Variants in PCLO observed in about 807,000 individuals in gnomAD.
PCLO encodes piccolo presynaptic cytomatrix protein, also known as protein piccolo.
Under a neutral mutation model 427.5 loss-of-function variants are expected in PCLO, and 82 were observed. That is an observed-to-expected ratio of 0.19 (90% CI 0.16 to 0.23). PCLO has a LOEUF of 0.23. PCLO is among the 10% of genes least tolerant of loss of function. PCLO has a pLI of 1.00. For missense variants in PCLO, 6,239 were observed against 6,115.9 expected (o/e 1.02, Z -0.67); for synonymous variants, 2,357 against 2,155.4 (o/e 1.09, Z -2.59).
At chr7:83,112,083 G>A (rs931145280) in intron 3 of PCLO, among the ~76,000 whole-genome samples, 16 of 152,094 alleles carry the variant, frequency 1.1e-4, no homozygotes, top group African/African-American at 3.6e-4. Context: ...TTGAGACAGA[G>A]TCTCGCTCTT....
intron 9 of PCLO, among the ~76,000 whole-genome samples, chr7:82,898,473 T>C (rs567844645): frequency 1.3e-5 from 2 of 151,616 alleles, no homozygotes; most frequent in Admixed American, 1.3e-4. Flanking sequence ...TTTTATAAAC[T>C]ATTTATAAAG....
At chr7:82,923,054 A>G (rs1261034495) in intron 6 of PCLO, among the ~76,000 whole-genome samples, 1 of 152,038 alleles carries the variant, frequency 6.6e-6, no homozygotes, top group Non-Finnish European at 1.5e-5. Flanking sequence ...TCTGTAAACA[A>G]GATATTTTGA....
At chr7:83,077,524 G>T (rs780130365) in intron 3 of PCLO, among the ~76,000 whole-genome samples, 11 of 152,136 alleles carry the variant, frequency 7.2e-5, no homozygotes, top group Non-Finnish European at 1.2e-4. Context: ...ACCAGCTTCT[G>T]CCAGACTTCA....
rs1375986691 is a variant in PCLO at position 82,889,509 on chromosome 7, AC to A, written c.13529-10048del. 2.6e-5 allele frequency among the ~76,000 whole-genome samples: 4 copies of A among 152,308 alleles called. No homozygotes were observed. The East Asian group carries it at 5.8e-4, about 22-fold the overall frequency. On this transcript the variant is annotated intron_variant, in intron 9 of 24. Coordinates refer to ENST00000333891, the MANE Select transcript of PCLO (RefSeq NM_033026.6). ...TTCCATAGTGAAAAATGAATGAAAA[AC>A]AATTTCTTAGTTTGGGAGTGCAAAG...
chr7:83,067,993 T>C (rs1583980144), intron 3 of PCLO, among the ~76,000 whole-genome samples: 1 of 152,230 alleles, frequency 6.6e-6, no homozygotes, highest in Non-Finnish European at 1.5e-5. Context: ...AAGCGGGTAA[T>C]ATAATAAGAA....
chr7:83,113,266 T>C (rs978082212), intron 3 of PCLO, among the ~76,000 whole-genome samples: 1 of 152,232 alleles, frequency 6.6e-6, no homozygotes, highest in Non-Finnish European at 1.5e-5. Context: ...TTTGAAGCCC[T>C]AATGATCTGG....
chr7:82,822,339 A>G, intron 20 of PCLO, 156 bp downstream of exon 20: 1 of 1,474,006 alleles, frequency 6.8e-7, no homozygotes, highest in South Asian at 1.4e-5. Context: ...AGAGCATATT[A>G]ATGTATTTAT....
At chr7:82,906,604 T>C (rs898166388) in intron 8 of PCLO, among the ~76,000 whole-genome samples, 5 of 152,038 alleles carry the variant, frequency 3.3e-5, no homozygotes, top group Non-Finnish European at 5.9e-5. Context: ...AAAAACAAAT[T>C]ATTGTCACAA....
chr7:83,100,857 A>G (rs1183539754), intron 3 of PCLO, among the ~76,000 whole-genome samples: 1 of 152,152 alleles, frequency 6.6e-6, no homozygotes, highest in Non-Finnish European at 1.5e-5. Flanking sequence ...TATATTCTGG[A>G]TATTGGAATT....
chr7:82,755,049 A>C lies in PCLO; in HGVS notation c.*3526T>G, dbSNP rs1583937524. ...TCAAATAATTTCTAATAAATTGGGC[A>C]CAATATAATATATACTTTTATTTTA... On this transcript the variant is annotated 3_prime_UTR_variant, in exon 25 of 25. Coordinates refer to ENST00000333891, the MANE Select transcript of PCLO (RefSeq NM_033026.6). The C allele has an allele frequency of 6.6e-6, 1 of 152,232 alleles. No individual in the cohort carries two copies. Among genetic ancestry groups the C allele is most frequent in the South Asian group, 2.1e-4 (1 of 4,832 alleles). 9.4% of individuals were successfully genotyped at this position (152,232 alleles called of 1,614,324 possible).
rs1181365183 is a variant in PCLO at position 83,154,919 on chromosome 7, T to C, written c.1722A>G (p.Pro574=). The C allele has an allele frequency of 4.3e-6, 7 of 1,613,988 alleles. No individual in the cohort carries two copies. Among genetic ancestry groups the C allele is most frequent in the Non-Finnish European group, 5.1e-6 (6 of 1,179,876 alleles). Residue 574 remains proline (P), a synonymous_variant, in exon 2 of 25, where the codon CCA becomes CCG. Coordinates refer to ENST00000333891, the MANE Select transcript of PCLO (RefSeq NM_033026.6). ...GKPLQPPTVS[P]SAKQPPSQGL... is the part of the protein sequence containing the mutation. ...CTTGTGAAGGAGGCTGTTTTGCAGA[T>C]GGAGACACTGTTGGTGGCTGCAGAG...
At position 82,953,783 on chromosome 7, in the gene PCLO, A is replaced by C. The variant is rs115594192; in HGVS notation, c.7170T>G (p.Pro2390=). 1 of 1,586,304 alleles carries C rather than the reference A, an allele frequency of 6.3e-7. No individual in the cohort carries two copies. The highest frequency in any genetic ancestry group is 1.3e-5 in the African/African-American group (1 of 74,142). ...AAGAAGAACTTCTAAAGAATGGGCG[A>C]GGTTTAGCTGGAAGAGAGGAAACAG... ...SPSVSSLPAK[P]RPFFRSSSLD... Residue 2390 remains proline, a synonymous_variant, in exon 5 of 25, where the codon CCT becomes CCG. Transcript: ENST00000333891.
chr7:82,831,575 G>A (rs992283885), intron 16 of PCLO, among the ~76,000 whole-genome samples: 2 of 152,046 alleles, frequency 1.3e-5, no homozygotes, highest in Admixed American at 6.6e-5. Context: ...GAACAATTAC[G>A]CCTACTTATT....
At chr7:82,936,565 T>C (rs1166304647) in intron 6 of PCLO, among the ~76,000 whole-genome samples, 4 of 151,584 alleles carry the variant, frequency 2.6e-5, no homozygotes, top group Admixed American at 2.0e-4. Flanking sequence ...CCCTTATACA[T>C]TGCTGGTGGG....
At chr7:82,792,873 A>G (rs571220042) in intron 22 of PCLO, among the ~76,000 whole-genome samples, 31 of 152,174 alleles carry the variant, frequency 2.0e-4, no homozygotes, top group African/African-American at 7.5e-4. Flanking sequence ...TCCTTGTCAT[A>G]TATTACGATC....
intron 3 of PCLO, among the ~76,000 whole-genome samples, chr7:83,081,636 T>C (rs1166640598): frequency 6.6e-6 from 1 of 151,864 alleles, no homozygotes; most frequent in Non-Finnish European, 1.5e-5. Flanking sequence ...TAGATTGCTA[T>C]TTTTCCTATG....
intron 11 of PCLO, 85 bp from the exon 12 acceptor site, chr7:82,846,719 T>TC: frequency 1.2e-6 from 1 of 805,590 alleles, no homozygotes. Context: ...TTAATTTTTT[T>TC]CATAGGTAAA....
At chr7:82,820,611 T>A in intron 20 of PCLO, 1 of 1,229,830 alleles carries the variant, frequency 8.1e-7, no homozygotes, top group Non-Finnish European at 1.0e-6. Context: ...GAGAGAACTT[T>A]CACCATGTAA....
intron 3 of PCLO, among the ~76,000 whole-genome samples, chr7:83,002,116 T>C (rs1374456398): frequency 2.6e-5 from 4 of 151,944 alleles, no homozygotes; most frequent in Non-Finnish European, 5.9e-5. Context: ...AGCTATTTTA[T>C]CTTCAAATGC....
Sources: allele counts gnomAD v4.1 joint callset (sites outside exome capture counted in the v4.1 genomes callset), GRCh38; gene constraint gnomAD v4.1.1; transcripts MANE v1.5; gene names NCBI Gene and HGNC (gene_info 2026-07-23, HGNC 2026-07-21).